UBR1: variants seen among roughly 807,000 people sequenced by gnomAD.
UBR1 encodes E3 ubiquitin-protein ligase UBR1.
Under a neutral mutation model 242.1 loss-of-function variants are expected in UBR1, and 102 were observed. The observed-to-expected ratio is 0.42, with a 90% confidence interval of 0.36 to 0.50. UBR1 has a LOEUF of 0.50. Ranked by LOEUF, UBR1 falls within the 20% of genes least tolerant of loss-of-function variation. UBR1 has a pLI of 0.01. For missense variants in UBR1, 1,772 were observed against 2,101.8 expected, an observed-to-expected ratio of 0.84 and a Z score of 3.07; for synonymous variants, 675 against 684.8, an observed-to-expected ratio of 0.99 and a Z score of 0.22.
intron 3 of UBR1, among the ~76,000 whole-genome samples, chr15:43,077,997 G>C (rs1263907860): frequency 1.3e-5 from 2 of 152,118 alleles, no homozygotes; most frequent in Admixed American, 1.3e-4. Context: ...TTCATATGAC[G>C]TACTCCAAAG....
chr15:43,053,234 G>A (rs1009730270), intron 12 of UBR1, among the ~76,000 whole-genome samples: 6 of 152,094 alleles, frequency 3.9e-5, no homozygotes, highest in Non-Finnish European at 8.8e-5. Context: ...CTACTATAAG[G>A]GTAGGTATTT....
At chr15:43,004,773 G>A (rs962638484) in intron 30 of UBR1, among the ~76,000 whole-genome samples, 2 of 152,166 alleles carry the variant, frequency 1.3e-5, no homozygotes, top group Non-Finnish European at 2.9e-5. Flanking sequence ...CCAAAGTGCC[G>A]AGATTGCAGC....
chr15:43,058,098 C>T (rs930915172), intron 10 of UBR1, among the ~76,000 whole-genome samples: 9 of 151,906 alleles, frequency 5.9e-5, no homozygotes, highest in African/African-American at 1.5e-4. Context: ...GTAGTAGAGA[C>T]GGGGTTTCAC....
intron 1 of UBR1, among the ~76,000 whole-genome samples, chr15:43,088,026 C>G (rs2034059870): frequency 2.0e-5 from 3 of 152,186 alleles, no homozygotes; most frequent in Admixed American, 2.0e-4. Flanking sequence ...TCAAAATAAA[C>G]TGTTAGCAGT....
At chr15:43,096,057 C>A (rs1201374945) in intron 1 of UBR1, among the ~76,000 whole-genome samples, 3 of 152,156 alleles carry the variant, frequency 2.0e-5, no homozygotes, top group Non-Finnish European at 4.4e-5. Flanking sequence ...TAATGATCAT[C>A]TGAGTCTTTA....
At chr15:43,075,208 T>C (rs1461772334) in intron 3 of UBR1, 119 bp from the exon 4 acceptor site, 1 of 863,632 alleles carries the variant, frequency 1.2e-6, no homozygotes, top group Non-Finnish European at 2.0e-6. Context: ...GAGTTCAATG[T>C]AATATTAACT....
At chr15:43,061,870 G>A (rs1382247489) in intron 6 of UBR1, among the ~76,000 whole-genome samples, 6 of 152,054 alleles carry the variant, frequency 3.9e-5, no homozygotes, top group East Asian at 3.8e-4. Context: ...ATACTGCTGC[G>A]GTGATGGGTG....
chr15:43,056,580 A>C, intron 10 of UBR1, 138 bp from the exon 11 acceptor site: 1 of 603,788 alleles, frequency 1.7e-6, no homozygotes. Flanking sequence ...AAGGCAAGAT[A>C]TTATGATCAG....
chr15:43,071,445 C>T (rs990351643), intron 4 of UBR1, among the ~76,000 whole-genome samples: 1 of 152,036 alleles, frequency 6.6e-6, no homozygotes, highest in Non-Finnish European at 1.5e-5. Context: ...AGGTGGTTGC[C>T]AAAGGCTGGG....
intron 33 of UBR1, among the ~76,000 whole-genome samples, chr15:42,992,297 C>T (rs764498896): frequency 9.9e-5 from 15 of 152,124 alleles, no homozygotes; most frequent in East Asian, 1.9e-4. Flanking sequence ...CCTTGAGAAT[C>T]GGTCAGATTT....
At chr15:43,067,000 T>C (rs889018541) in intron 6 of UBR1, among the ~76,000 whole-genome samples, 4 of 152,198 alleles carry the variant, frequency 2.6e-5, no homozygotes, top group African/African-American at 9.7e-5. Context: ...ACCAGAATTC[T>C]TATGTACTCA....
intron 15 of UBR1, 95 bp from the exon 16 acceptor site, chr15:43,038,327 G>C (rs1375050982): frequency 4.8e-6 from 6 of 1,255,266 alleles, no homozygotes; most frequent in Non-Finnish European, 7.0e-6. Context: ...GATTTGATTT[G>C]GCTGGGCGCG....
chr15:42,966,250 C>T lies in UBR1; in HGVS notation c.4494G>A (p.Trp1498Ter). ...IGCDIPGWYL[W>*]VSLKNGITPY... ...GGGTGATGCCATTCTTCAGTGAGAC[C>T]CACAAATACCAGCCAGGAATATCAC... Residue 1498 changes from tryptophan (W) to a stop codon, truncating the protein, a stop_gained, in exon 41 of 47, where the codon TGG (tryptophan) becomes TGA (stop). Transcript: ENST00000290650. LOFTEE classifies it high-confidence loss of function. 1 of 1,614,010 alleles carries T rather than the reference C, an allele frequency of 6.2e-7. No individual in the cohort carries two copies. The highest frequency in any genetic ancestry group is 8.5e-7 in the Non-Finnish European group (1 of 1,180,012).
chr15:43,058,984 T>A, intron 9 of UBR1, 101 bp downstream of exon 9: 1 of 923,814 alleles, frequency 1.1e-6, no homozygotes, highest in Non-Finnish European at 1.7e-6. Context: ...AGATTACAGA[T>A]TTAATAACTA....
At chr15:42,973,338 C>CAAAA (rs2141264519) in intron 39 of UBR1, among the ~76,000 whole-genome samples, 1 of 152,250 alleles carries the variant, frequency 6.6e-6, no homozygotes, top group African/African-American at 2.4e-5. Flanking sequence ...GTTCCGTTGC[C>CAAAA]AGGATGGAGT....
intron 1 of UBR1, among the ~76,000 whole-genome samples, chr15:43,100,889 T>C (rs2034226035): frequency 1.3e-5 from 2 of 152,214 alleles, no homozygotes; most frequent in Non-Finnish European, 1.5e-5. Context: ...TCATGGAACT[T>C]ACCTCTCCCT....
intron 15 of UBR1, among the ~76,000 whole-genome samples, chr15:43,038,992 T>A (rs1325488100): frequency 6.6e-6 from 1 of 151,562 alleles, no homozygotes; most frequent in Non-Finnish European, 1.5e-5. Flanking sequence ...CAAAAATTTT[T>A]ATTTTTATTA....
At chr15:43,057,371 C>T (rs1256635393) in intron 10 of UBR1, among the ~76,000 whole-genome samples, 1 of 152,142 alleles carries the variant, frequency 6.6e-6, no homozygotes, top group East Asian at 1.9e-4. Context: ...CTTCCAATTC[C>T]ATCTTGGGTC....
chr15:42,957,245 A>T (rs2031935850), intron 44 of UBR1, among the ~76,000 whole-genome samples: 1 of 152,226 alleles, frequency 6.6e-6, no homozygotes, highest in Admixed American at 6.5e-5. Flanking sequence ...TATTAAAGAC[A>T]TGCTAAGTGA....
Sources: allele counts gnomAD v4.1 joint callset (sites outside exome capture counted in the v4.1 genomes callset), GRCh38; gene constraint gnomAD v4.1.1; transcripts MANE v1.5; gene names NCBI Gene and HGNC (gene_info 2026-07-23, HGNC 2026-07-21).